GRID2: variants seen among roughly 807,000 people sequenced by gnomAD.
GRID2 encodes the protein glutamate ionotropic receptor delta type subunit 2.
Under a neutral mutation model 114.8 loss-of-function variants are expected in GRID2, and 33 were observed. The observed-to-expected ratio is 0.29, with a 90% CI of 0.22 to 0.38. GRID2 has a LOEUF of 0.38. Ranked by LOEUF, GRID2 falls within the 10% of genes least tolerant of loss-of-function variation. The probability of loss-of-function intolerance (pLI) is 1.00; values close to 1 mark genes in which losing one functional copy is unlikely to be tolerated. For synonymous variants in GRID2, 505 were observed against 449.9 expected, an observed-to-expected ratio of 1.12 and a Z score of -1.55; for missense variants, 1,184 against 1,257.7, an observed-to-expected ratio of 0.94 and a Z score of 0.89.
At chr4:92,986,137 G>A (rs1226585686) in intron 2 of GRID2, among the ~76,000 whole-genome samples, 1 of 152,010 alleles carries the variant, frequency 6.6e-6, no homozygotes, top group Non-Finnish European at 1.5e-5. Flanking sequence ...CAGTGTTGAT[G>A]GACTATAGAT....
intron 8 of GRID2, among the ~76,000 whole-genome samples, chr4:93,354,764 T>C (rs1393502761): frequency 6.8e-6 from 1 of 146,132 alleles, no homozygotes; most frequent in African/African-American, 2.5e-5. Flanking sequence ...GTAGTCTTTA[T>C]GTATATGTAA....
At chr4:93,684,084 A>G (rs897720187) in intron 14 of GRID2, among the ~76,000 whole-genome samples, 6 of 152,198 alleles carry the variant, frequency 3.9e-5, no homozygotes, top group Non-Finnish European at 8.8e-5. Context: ...AGTTATCTAT[A>G]CACACCTATT....
intron 13 of GRID2, among the ~76,000 whole-genome samples, chr4:93,533,695 AG>A (rs1180735320): frequency 6.6e-6 from 1 of 151,666 alleles, no homozygotes; most frequent in Non-Finnish European, 1.5e-5. Flanking sequence ...TGGCCCCTGT[AG>A]GTTTTTTATT....
intron 2 of GRID2, among the ~76,000 whole-genome samples, chr4:92,647,238 TG>T (rs1731691841): frequency 6.6e-6 from 1 of 152,192 alleles, no homozygotes; most frequent in Non-Finnish European, 1.5e-5. Flanking sequence ...TGTTAACATT[TG>T]TAAAGTGTTT....
At chr4:93,047,732 A>G (rs1311679380) in intron 2 of GRID2, among the ~76,000 whole-genome samples, 1 of 152,052 alleles carries the variant, frequency 6.6e-6, no homozygotes, top group Non-Finnish European at 1.5e-5. Flanking sequence ...CCACATGGCC[A>G]AATCTTTGTT....
At position 93,453,315 on chromosome 4, in the gene GRID2, A is replaced by AG. The variant is rs1236817033; in HGVS notation, c.1546-2347_1546-2346insG. Reference sequence around the variant, plus strand: ...AGACTATACAAAACTCAGAGATGGGAAAGAGAGAGAGAGAGAGAGAGAGAG... The same window carrying AG: ...AGACTATACAAAACTCAGAGATGGGAGAAGAGAGAGAGAGAGAGAGAGAGAG... On this transcript the variant is annotated intron_variant, in intron 10 of 15. Coordinates refer to ENST00000282020, the MANE Select transcript of GRID2 (RefSeq NM_001510.4). Among the ~76,000 whole-genome samples the AG allele has an allele frequency of 1.4e-4, 15 of 107,150 alleles. No homozygotes were observed. In the East Asian group the frequency reaches 2.6e-3, roughly 19 times the overall value. The allele number at this position is 107,150 out of a possible 152,430, so 70.3% of individuals were successfully genotyped here. A position where few individuals can be genotyped will look rare whatever the true frequency, so the allele number is the denominator to read the frequency against.
At chr4:93,493,945 G>C (rs938269457) in intron 12 of GRID2, among the ~76,000 whole-genome samples, 4 of 151,602 alleles carry the variant, frequency 2.6e-5, no homozygotes, top group African/African-American at 9.7e-5. Context: ...ACTAATTTTG[G>C]AATGAGAGAA....
At chr4:93,649,594 T>C (rs1490848460) in intron 14 of GRID2, among the ~76,000 whole-genome samples, 1 of 152,116 alleles carries the variant, frequency 6.6e-6, no homozygotes, top group Non-Finnish European at 1.5e-5. Flanking sequence ...ATAAAGTCTA[T>C]AGGTCTCTTG....
chr4:92,621,066 A>T (rs1348964950), intron 2 of GRID2, among the ~76,000 whole-genome samples: 1 of 151,410 alleles, frequency 6.6e-6, no homozygotes, highest in Non-Finnish European at 1.5e-5. Flanking sequence ...CTGACTTTTA[A>T]GTTGAGGGGT....
intron 1 of GRID2, among the ~76,000 whole-genome samples, chr4:92,417,708 A>G (rs966062844): frequency 7.2e-5 from 11 of 152,304 alleles, no homozygotes; most frequent in African/African-American, 2.6e-4. Flanking sequence ...ATATAAAATC[A>G]TAATAGTTAT....
intron 13 of GRID2, among the ~76,000 whole-genome samples, chr4:93,546,668 A>G (rs1578231787): frequency 6.6e-6 from 1 of 152,222 alleles, no homozygotes; most frequent in African/African-American, 2.4e-5. Flanking sequence ...TCAATTTAAT[A>G]GGATACACAT....
At chr4:92,642,497 G>C (rs1394006998) in intron 2 of GRID2, among the ~76,000 whole-genome samples, 1 of 151,760 alleles carries the variant, frequency 6.6e-6, no homozygotes, top group Non-Finnish European at 1.5e-5. Context: ...TTTTTTACAT[G>C]TTGACTTGAG....
chr4:92,876,553 C>A (rs992830685), intron 2 of GRID2, among the ~76,000 whole-genome samples: 2 of 152,126 alleles, frequency 1.3e-5, no homozygotes, highest in Non-Finnish European at 2.9e-5. Context: ...GAGACGCCCA[C>A]CTCGGCCTCC....
intron 13 of GRID2, among the ~76,000 whole-genome samples, chr4:93,548,890 A>G (rs1252084674): frequency 2.6e-5 from 4 of 152,162 alleles, no homozygotes; most frequent in African/African-American, 7.2e-5. Context: ...AGTGAATCAC[A>G]TCACCAAAGG....
chr4:93,229,150 A>G (rs1745826443), intron 7 of GRID2, among the ~76,000 whole-genome samples: 1 of 152,122 alleles, frequency 6.6e-6, no homozygotes, highest in African/African-American at 2.4e-5. Flanking sequence ...GACTTTAAAA[A>G]TGGATTTTTA....
chr4:92,380,419 A>G (rs1301287408), intron 1 of GRID2, among the ~76,000 whole-genome samples: 1 of 151,990 alleles, frequency 6.6e-6, no homozygotes, highest in Non-Finnish European at 1.5e-5. Context: ...AATTTGTAAC[A>G]CAGATCTTTT....
chr4:92,674,882 T>A (rs1269020013), intron 2 of GRID2, among the ~76,000 whole-genome samples: 1 of 152,230 alleles, frequency 6.6e-6, no homozygotes, highest in Non-Finnish European at 1.5e-5. Flanking sequence ...GCTGTTTTAT[T>A]GATTTTTTTC....
Position 92,592,804 on chromosome 4 carries a change from A to G in GRID2, c.244+2518A>G, listed in dbSNP as rs1728764690. On this transcript the variant is annotated intron_variant, in intron 2 of 15. Coordinates refer to ENST00000282020, the MANE Select transcript of GRID2 (RefSeq NM_001510.4). ...AAGGGTTTCAGTTAATGTTAGAAGTAAAAATACTTATTTATAGAATTTTTT... is the reference window on the plus strand; with the variant it reads ...AAGGGTTTCAGTTAATGTTAGAAGTGAAAATACTTATTTATAGAATTTTTT... Among the ~76,000 whole-genome samples the G allele has an allele frequency of 2.0e-5, 3 of 148,418 alleles. No homozygotes were observed. In the Admixed American group the frequency reaches 2.1e-4, roughly 10 times the overall value.
Position 92,648,344 on chromosome 4 carries a change from C to T in GRID2, c.244+58058C>T, listed in dbSNP as rs188200472. Among the ~76,000 whole-genome samples, 102 of 149,742 alleles carry T rather than the reference C, an allele frequency of 6.8e-4. 3 individuals carry two copies. Among genetic ancestry groups the T allele is most frequent in the African/African-American group, 2.5e-3 (98 of 39,994 alleles). ...AAAAGTTTTCAGCAGTATAAGCCTC[C>T]TCATTTTTATTATACTATTGATCTC... is the stretch of plus-strand genomic sequence containing the variant. On this transcript the variant is annotated intron_variant, in intron 2 of 15. Coordinates refer to ENST00000282020, the MANE Select transcript of GRID2 (RefSeq NM_001510.4).
Sources: allele counts gnomAD v4.1 joint callset (sites outside exome capture counted in the v4.1 genomes callset), GRCh38; gene constraint gnomAD v4.1.1; transcripts MANE v1.5; gene names NCBI Gene and HGNC (gene_info 2026-07-23, HGNC 2026-07-21).